Variants in PELI2 observed in about 807,000 individuals in gnomAD.
PELI2 encodes the protein E3 ubiquitin-protein ligase pellino homolog 2.
A neutral mutation model predicts 42.3 loss-of-function variants in PELI2; 23 were observed. The observed-to-expected ratio is 0.54, with a 90% CI of 0.39 to 0.77. PELI2 has a LOEUF of 0.77. Among genes scored for constraint, PELI2 ranks in the 30% least tolerant of loss-of-function variants. The pLI, the probability that PELI2 is intolerant of heterozygous loss-of-function variation, is 0.00. For synonymous variants in PELI2, 245 were observed against 212.2 expected (o/e 1.15, Z -1.34); for missense variants, 463 against 553.2 (o/e 0.84, Z 1.64).
intron 1 of PELI2, among the ~76,000 whole-genome samples, chr14:56,166,313 A>G (rs1289547942): frequency 1.3e-5 from 2 of 152,158 alleles, no homozygotes; most frequent in Non-Finnish European, 2.9e-5. Context: ...TGTTCTGTTT[A>G]TGTCTTATTG....
intron 1 of PELI2, among the ~76,000 whole-genome samples, chr14:56,157,019 T>A (rs1393482362): frequency 6.6e-6 from 1 of 152,244 alleles, no homozygotes; most frequent in East Asian, 1.9e-4. Context: ...GTTGACTGAC[T>A]CCTAGCATCC....
At chr14:56,290,700 G>A (rs1388459903) in intron 5 of PELI2, among the ~76,000 whole-genome samples, 1 of 152,178 alleles carries the variant, frequency 6.6e-6, no homozygotes, top group Admixed American at 6.5e-5. Flanking sequence ...CACCTGAAGA[G>A]CATTATCTTT....
chr14:56,266,279 A>G (rs948866018), intron 2 of PELI2, among the ~76,000 whole-genome samples: 2 of 152,026 alleles, frequency 1.3e-5, no homozygotes, highest in Non-Finnish European at 1.5e-5. Flanking sequence ...GAAACTTTTT[A>G]AAAAATCTGC....
chr14:56,276,647 T>C (rs902312432), intron 2 of PELI2, among the ~76,000 whole-genome samples: 2 of 152,192 alleles, frequency 1.3e-5, no homozygotes, highest in African/African-American at 4.8e-5. Context: ...CTCCCCACCT[T>C]CATGGGATTT....
intron 2 of PELI2, among the ~76,000 whole-genome samples, chr14:56,264,549 C>T (rs1888831912): frequency 6.6e-6 from 1 of 151,890 alleles, no homozygotes; most frequent in African/African-American, 2.4e-5. Context: ...GGGAAAGTGG[C>T]GAAATGTATG....
chr14:56,194,106 T>A (rs911355845), intron 2 of PELI2, among the ~76,000 whole-genome samples: 4 of 152,218 alleles, frequency 2.6e-5, no homozygotes, highest in Non-Finnish European at 4.4e-5. Flanking sequence ...GACTTGTACG[T>A]CGTAGGAAGC....
intron 1 of PELI2, among the ~76,000 whole-genome samples, chr14:56,153,787 A>C (rs1162138962): frequency 6.6e-6 from 1 of 152,142 alleles, no homozygotes; most frequent in Admixed American, 6.5e-5. Flanking sequence ...CATCCTGAAA[A>C]ACCGAGTTCT....
chr14:56,119,608 G>C (rs1024095395), intron 1 of PELI2: 1 of 193,292 alleles, frequency 5.2e-6, no homozygotes, highest in Non-Finnish European at 9.5e-6. Flanking sequence ...TCTACTTCCT[G>C]AGTTTCCTTG....
At chr14:56,205,895 C>T (rs1886501426) in intron 2 of PELI2, among the ~76,000 whole-genome samples, 1 of 152,156 alleles carries the variant, frequency 6.6e-6, no homozygotes, top group South Asian at 2.1e-4. Context: ...TAAAAGGCTG[C>T]TCTAAGTATC....
At chr14:56,185,962 CTG>C (rs908732683) in intron 2 of PELI2, among the ~76,000 whole-genome samples, 2 of 152,046 alleles carry the variant, frequency 1.3e-5, no homozygotes, top group Admixed American at 6.6e-5. Context: ...TCACTGGAAT[CTG>C]TGAATATATT....
intron 1 of PELI2, among the ~76,000 whole-genome samples, chr14:56,124,729 T>G (rs928325486): frequency 3.3e-5 from 5 of 152,186 alleles, no homozygotes; most frequent in African/African-American, 1.2e-4. Context: ...CAGGGTCCCC[T>G]AGCCATGTGC....
chr14:56,256,032 G>A (rs556669533), intron 2 of PELI2, among the ~76,000 whole-genome samples: 2 of 152,082 alleles, frequency 1.3e-5, no homozygotes, highest in African/African-American at 2.4e-5. Flanking sequence ...GCCTTACTGA[G>A]GACTCCAGTA....
At chr14:56,160,245 C>T (rs1884708434) in intron 1 of PELI2, among the ~76,000 whole-genome samples, 1 of 152,122 alleles carries the variant, frequency 6.6e-6, no homozygotes, top group Admixed American at 6.6e-5. Flanking sequence ...CTTACCTCCC[C>T]ACACCACACT....
At chr14:56,162,146 T>A (rs1363715772) in intron 1 of PELI2, among the ~76,000 whole-genome samples, 2 of 152,232 alleles carry the variant, frequency 1.3e-5, no homozygotes, top group Admixed American at 6.5e-5. Flanking sequence ...TAAATTATTT[T>A]AAAATGTACA....
At chr14:56,267,473 G>A (rs1223838972) in intron 2 of PELI2, among the ~76,000 whole-genome samples, 1 of 152,120 alleles carries the variant, frequency 6.6e-6, no homozygotes, top group Non-Finnish European at 1.5e-5. Context: ...AAACATTTGT[G>A]AATGGCATTG....
At chr14:56,182,131 G>A (rs1196458187) in intron 2 of PELI2, among the ~76,000 whole-genome samples, 1 of 152,136 alleles carries the variant, frequency 6.6e-6, no homozygotes, top group African/African-American at 2.4e-5. Context: ...TAAGAGGAAG[G>A]GGGCACAGAG....
intron 2 of PELI2, among the ~76,000 whole-genome samples, chr14:56,246,477 G>T (rs1258990146): frequency 1.3e-5 from 2 of 152,104 alleles, no homozygotes; most frequent in African/African-American, 4.8e-5. Flanking sequence ...CCTTCCTCCT[G>T]TGTTTCCCAT....
chr14:56,262,495 A>G (rs748460992), intron 2 of PELI2, among the ~76,000 whole-genome samples: 24 of 152,148 alleles, frequency 1.6e-4, no homozygotes, highest in Non-Finnish European at 3.1e-4. Flanking sequence ...CTCACAACCA[A>G]TTCTTTTCGC....
intron 2 of PELI2, among the ~76,000 whole-genome samples, chr14:56,200,548 G>A (rs897764668): frequency 6.6e-6 from 1 of 152,208 alleles, no homozygotes; most frequent in Non-Finnish European, 1.5e-5. Flanking sequence ...TGACGACCAA[G>A]AAGGAAGGAA....
Sources: allele counts gnomAD v4.1 joint callset (sites outside exome capture counted in the v4.1 genomes callset), GRCh38; gene constraint gnomAD v4.1.1; transcripts MANE v1.5; gene names NCBI Gene and HGNC (gene_info 2026-07-23, HGNC 2026-07-21).